The following NTM variants were observed in gnomAD, a reference collection of about 807,000 sequenced individuals.
The protein encoded by NTM is IgLON family member 2.
Under a neutral mutation model 42.1 loss-of-function variants are expected in NTM, and 13 were observed. The ratio of observed to expected loss-of-function variants is 0.31; its 90% CI spans 0.20 to 0.49. The LOEUF (loss-of-function observed/expected upper bound fraction) is 0.49. Ranked by LOEUF, NTM falls within the 20% of genes least tolerant of loss-of-function variation. NTM has a pLI of 0.99. For synonymous variants in NTM, 187 were observed against 179.2 expected, an observed-to-expected ratio of 1.04 and a Z score of -0.35; for missense variants, 373 against 452.8, an observed-to-expected ratio of 0.82 and a Z score of 1.60.
chr11:132,169,492 C>T lies in NTM; in HGVS notation c.400+22978C>T, dbSNP rs138382283. 2.9e-3 allele frequency among the ~76,000 whole-genome samples: 444 copies of T among 151,432 alleles called. 2 individuals carry two copies. Among genetic ancestry groups the T allele is most frequent in the Middle Eastern group, 0.01 (3 of 292 alleles). ...CTGGGACTACAGGTGCCCACCTCCA[C>T]GCCTGGCTAAGTTTTTGTGTTTTTA... On this transcript the variant is annotated intron_variant, in intron 3 of 8. Transcript: ENST00000683400.
intron 1 of NTM, among the ~76,000 whole-genome samples, chr11:131,414,234 G>A (rs947002457): frequency 6.6e-6 from 1 of 152,190 alleles, no homozygotes; most frequent in African/African-American, 2.4e-5. Flanking sequence ...CCAATTCTGG[G>A]AGATGAAGCA....
At chr11:131,390,360 G>A (rs1353995078) in intron 1 of NTM, among the ~76,000 whole-genome samples, 1 of 152,124 alleles carries the variant, frequency 6.6e-6, no homozygotes, top group African/African-American at 2.4e-5. Context: ...TCCAATACTG[G>A]AAATCACGTT....
chr11:131,394,582 C>T (rs1454153090), intron 1 of NTM, among the ~76,000 whole-genome samples: 1 of 152,172 alleles, frequency 6.6e-6, no homozygotes, highest in Admixed American at 6.5e-5. Flanking sequence ...CTTCCAGCCC[C>T]AGAATGCAGC....
intron 2 of NTM, among the ~76,000 whole-genome samples, chr11:131,935,088 C>T (rs1592995887): frequency 6.6e-6 from 1 of 152,144 alleles, no homozygotes; most frequent in African/African-American, 2.4e-5. Context: ...GAGATAGTCA[C>T]AGATAGGTTT....
intron 1 of NTM, among the ~76,000 whole-genome samples, chr11:131,495,032 A>G (rs1955188073): frequency 6.6e-6 from 1 of 152,184 alleles, no homozygotes; most frequent in Non-Finnish European, 1.5e-5. Flanking sequence ...TGGATGGTTC[A>G]TTGACTATTA....
intron 2 of NTM, among the ~76,000 whole-genome samples, chr11:132,009,873 G>A (rs557723501): frequency 2.6e-5 from 4 of 152,302 alleles, no homozygotes; most frequent in South Asian, 4.2e-4. Context: ...ATGGAGAAGA[G>A]AGACCATATT....
chr11:132,035,627 A>ATG (rs143155134), intron 2 of NTM, among the ~76,000 whole-genome samples: 4 of 151,964 alleles, frequency 2.6e-5, no homozygotes, highest in Non-Finnish European at 5.9e-5. Flanking sequence ...GGCTATTGGC[A>ATG]TGTGTGTGTG....
chr11:132,234,034 C>T (rs1329229583), intron 4 of NTM, among the ~76,000 whole-genome samples: 1 of 152,190 alleles, frequency 6.6e-6, no homozygotes, highest in East Asian at 1.9e-4. Flanking sequence ...TTTCTTGCCT[C>T]GTCCCTGACT....
chr11:131,798,036 T>C (rs1310537759), intron 1 of NTM, among the ~76,000 whole-genome samples: 1 of 152,170 alleles, frequency 6.6e-6, no homozygotes, highest in Admixed American at 6.5e-5. Flanking sequence ...TCTAATGCCC[T>C]TTGGGGATAT....
intron 1 of NTM, among the ~76,000 whole-genome samples, chr11:131,610,982 G>A (rs2061420469): frequency 6.6e-6 from 1 of 152,146 alleles, no homozygotes; most frequent in South Asian, 2.1e-4. Flanking sequence ...AGGCATTAGA[G>A]GTGGCCAGAC....
intron 1 of NTM, among the ~76,000 whole-genome samples, chr11:131,608,981 T>C (rs1038605810): frequency 2.0e-5 from 3 of 152,230 alleles, no homozygotes; most frequent in Non-Finnish European, 2.9e-5. Context: ...AATAATAATG[T>C]AAAATGTTTT....
chr11:131,504,089 C>T (rs385991), intron 1 of NTM, among the ~76,000 whole-genome samples: 104,511 of 152,000 alleles, frequency 0.69, 39,208 homozygotes, highest in East Asian at 0.98. Context: ...TCATCCAGGG[C>T]TCCCTGGCCC....
intron 1 of NTM, chr11:131,537,589 C>T (rs1247898028): frequency 5.9e-5 from 9 of 152,220 alleles, no homozygotes. Flanking sequence ...GCAATCCTCG[C>T]TTGTGCTTAA....
chr11:131,954,158 G>A (rs989018692), intron 2 of NTM, among the ~76,000 whole-genome samples: 4 of 152,162 alleles, frequency 2.6e-5, no homozygotes, highest in South Asian at 2.1e-4. Flanking sequence ...CTCCTGGCAC[G>A]CGATGTCCTC....
rs570924426 is a variant in NTM, at chr11:131,429,399, C to T, written c.82+58511C>T. 8.5e-5 allele frequency among the ~76,000 whole-genome samples: 13 copies of T among 152,244 alleles called. 1 individual carries two copies. The South Asian group carries it at 2.3e-3, about 27-fold the overall frequency. On this transcript the variant is annotated intron_variant, in intron 1 of 8. Coordinates refer to ENST00000683400, the MANE Select transcript of NTM (RefSeq NM_001352005.2). Reference sequence around the variant, plus strand: ...AATAGGGTCAAGAGACCCACTCTACCAGGTTGTTGCGAGAACTCAGTGAGT... The same window carrying T: ...AATAGGGTCAAGAGACCCACTCTACTAGGTTGTTGCGAGAACTCAGTGAGT...
At chr11:131,682,640 A>T (rs981002420) in intron 1 of NTM, among the ~76,000 whole-genome samples, 1 of 152,248 alleles carries the variant, frequency 6.6e-6, no homozygotes, top group Non-Finnish European at 1.5e-5. Flanking sequence ...CCTGCAGGCC[A>T]CTGACACGGA....
At chr11:131,747,397 T>C (rs75823691) in intron 1 of NTM, among the ~76,000 whole-genome samples, 133 of 152,296 alleles carry the variant, frequency 8.7e-4, no homozygotes, top group African/African-American at 3.1e-3. Flanking sequence ...GCCTTTGGGT[T>C]GTGTCTCCTA....
At chr11:132,192,603 T>C (rs2079489507) in intron 3 of NTM, among the ~76,000 whole-genome samples, 1 of 152,108 alleles carries the variant, frequency 6.6e-6, no homozygotes. Flanking sequence ...ATCAAGTATA[T>C]GTAACAATCA....
At chr11:131,642,721 A>T (rs947748806) in intron 1 of NTM, among the ~76,000 whole-genome samples, 55 of 152,256 alleles carry the variant, frequency 3.6e-4, no homozygotes, top group African/African-American at 1.2e-3. Flanking sequence ...CCTCATCTTG[A>T]CCTTTCTGAA....
Sources: gnomAD v4.1 joint callset for allele counts (sites outside exome capture counted in the v4.1 genomes callset) on GRCh38, gnomAD v4.1.1 for gene constraint, MANE v1.5 for transcripts, NCBI Gene and HGNC (gene_info 2026-07-23, HGNC 2026-07-21) for gene names.